The following OTOG variants were observed in gnomAD, a reference collection of about 807,000 sequenced individuals.
The protein encoded by OTOG is otogelin.
OTOG carries 296 observed loss-of-function variants against 313.8 expected under a neutral mutation model. The observed-to-expected ratio is 0.94, with a 90% CI of 0.86 to 1.04. OTOG has a LOEUF of 1.04. Among genes scored for constraint, OTOG ranks in the 50% least tolerant of loss-of-function variants. OTOG has a pLI of 0.00. For missense variants in OTOG, 3,948 were observed against 3,840.1 expected (o/e 1.03, Z -0.74); for synonymous variants, 1,533 against 1,554.9 (o/e 0.99, Z 0.33).
At chr11:17,565,997 G>C (rs1175208423) in intron 15 of OTOG, among the ~76,000 whole-genome samples, 1 of 152,174 alleles carries the variant, frequency 6.6e-6, no homozygotes, top group Admixed American at 6.5e-5. Context: ...TTAGAATCAA[G>C]ATCAGGGGAT....
intron 23 of OTOG, 60 bp from the exon 24 acceptor site, chr11:17,586,414 C>G: frequency 9.2e-7 from 1 of 1,082,472 alleles, no homozygotes; most frequent in Non-Finnish European, 1.2e-6. Flanking sequence ...CAGGGTCCTC[C>G]ACAGATGGCA....
chr11:17,610,711 C>G lies in OTOG; in HGVS notation c.5411C>G (p.Pro1804Arg). 6.5e-7 allele frequency: 1 copy of G among 1,550,302 alleles called. No homozygotes were observed. The highest frequency in any genetic ancestry group is 1.7e-4 in the Middle Eastern group (1 of 5,992). Residue 1804 changes from proline (P) to arginine (R), a missense_variant, in exon 36 of 56, where the codon CCC becomes CGC. By Grantham distance (103) the Pro-to-Arg change is moderately radical. Coordinates refer to ENST00000399397, the MANE Select transcript of OTOG (RefSeq NM_001292063.2). Reference protein sequence around the residue: ...RPSQLLSGLPPDTSLPLAKVG... With the variant: ...RPSQLLSGLPRDTSLPLAKVG... ...TCCCAGCTCCTCTCTGGCCTGCCTC[C>G]CGACACCAGCCTGCCCCTGGCCAAG... is the stretch of plus-strand genomic sequence containing the variant.
At position 17,553,162 on chromosome 11, in the gene OTOG, C is replaced by T; in HGVS notation, c.336C>T (p.Ala112=). The T allele has an allele frequency of 6.4e-7, 1 of 1,550,560 alleles. No individual in the cohort carries two copies. Among genetic ancestry groups the T allele is most frequent in the Non-Finnish European group, 8.7e-7 (1 of 1,146,980 alleles). The change falls in exon 5 of 56, where the codon GCC becomes GCT. Residue 112 remains alanine (A), a synonymous_variant. Coordinates refer to ENST00000399397, the MANE Select transcript of OTOG (RefSeq NM_001292063.2). ...CFNGGECVHP[A]FCDCRRFNAT... is the part of the protein sequence containing the mutation. ...ATGGAGGCGAGTGTGTGCACCCAGC[C>T]TTCTGTGACTGCAGACGCTTCAATG... is the stretch of plus-strand genomic sequence containing the variant.
rs1159778173 is a variant in OTOG at position 17,561,647 on chromosome 11, TTTTC to T, written c.1499-13_1499-10del. On this transcript the variant is annotated splice_polypyrimidine_tract_variant and intron_variant, in intron 14 of 55. Transcript: ENST00000399397. ...GGCGGCTCCCATGGGTCAGTGGCCT[TTTTC>T]TACCTCTCAGCTGAGTGCTCAGTGA... 3 of 1,550,400 alleles carry T rather than the reference TTTTC, an allele frequency of 1.9e-6. No individual in the cohort carries two copies. The highest frequency in any genetic ancestry group is 2.6e-6 in the Non-Finnish European group (3 of 1,146,968).
Position 17,570,309 on chromosome 11 carries a change from A to T in OTOG, c.1874A>T (p.Tyr625Phe). The T allele has an allele frequency of 6.4e-7, 1 of 1,550,720 alleles. No individual in the cohort carries two copies. Among genetic ancestry groups the T allele is most frequent in the Non-Finnish European group, 8.7e-7 (1 of 1,147,028 alleles). Reference sequence around the variant, plus strand: ...TACGACCGTGAAGGGCTCCGACTGTACCTGCAAGTGGACCAGCGATGGGTG... The same window carrying T: ...TACGACCGTGAAGGGCTCCGACTGTTCCTGCAAGTGGACCAGCGATGGGTG... Reference protein sequence around the residue: ...VLYDREGLRLYLQVDQRWVED... With the variant: ...VLYDREGLRLFLQVDQRWVED... Residue 625 changes from tyrosine to phenylalanine, a missense_variant, in exon 17 of 56, where the codon TAC becomes TTC. Transcript: ENST00000399397.
chr11:17,590,884 A>G (rs1852915334), intron 24 of OTOG, among the ~76,000 whole-genome samples: 2 of 152,140 alleles, frequency 1.3e-5, no homozygotes, highest in African/African-American at 4.8e-5. Context: ...CTACTCACAC[A>G]TGCCCCAACC....
At position 17,610,470 on chromosome 11, in the gene OTOG, G is replaced by A; in HGVS notation, c.5170G>A (p.Glu1724Lys). Residue 1724 changes from glutamate (E) to lysine (K), a missense_variant, in exon 36 of 56, where the codon GAG (glutamate) becomes AAG (lysine). Physicochemically the swap from Glu to Lys is moderately conservative, Grantham distance 56. Transcript: ENST00000399397. ...TRSLEIVLST[E>K]KGEAGHSQPM... Reference sequence around the variant, plus strand: ...GAGCTTGGAGATAGTGCTATCCACAGAGAAGGGCGAAGCCGGGCACAGCCA... The same window carrying A: ...GAGCTTGGAGATAGTGCTATCCACAAAGAAGGGCGAAGCCGGGCACAGCCA... 6.4e-7 allele frequency: 1 copy of A among 1,550,598 alleles called. No individual in the cohort carries two copies. Among genetic ancestry groups the A allele is most frequent in the Non-Finnish European group, 8.7e-7 (1 of 1,146,982 alleles).
chr11:17,558,874 A>G (rs1344482573), intron 10 of OTOG, among the ~76,000 whole-genome samples, 178 bp from the exon 11 acceptor site: 1 of 152,220 alleles, frequency 6.6e-6, no homozygotes, highest in East Asian at 1.9e-4. Context: ...TGGGACTAGA[A>G]TCCAGGATTT....
intron 40 of OTOG, 127 bp from the exon 41 acceptor site, chr11:17,631,575 C>T (rs1034364718): frequency 3.9e-6 from 3 of 769,122 alleles, no homozygotes; most frequent in Non-Finnish European, 6.3e-6. Flanking sequence ...TAATTTCCCT[C>T]ACCTATAAAA....
chr11:17,623,186 G>A (rs1414153401), intron 39 of OTOG, among the ~76,000 whole-genome samples: 2 of 151,988 alleles, frequency 1.3e-5, no homozygotes, highest in Non-Finnish European at 2.9e-5. Flanking sequence ...ACATGTGCAG[G>A]TTTCTTATAT....
chr11:17,571,222 G>C (rs997254305), intron 17 of OTOG, among the ~76,000 whole-genome samples: 2 of 152,242 alleles, frequency 1.3e-5, no homozygotes, highest in African/African-American at 4.8e-5. Context: ...GCCTAGTAGG[G>C]CAGATGTTAG....
rs1348989603 is a variant in OTOG at position 17,561,705 on chromosome 11, T to C, written c.1542T>C (p.Asp514=). 23 of 1,550,416 alleles carry C rather than the reference T, an allele frequency of 1.5e-5. No homozygotes were observed. The highest frequency in any genetic ancestry group is 1.8e-5 in the Non-Finnish European group (21 of 1,146,982). The change falls in exon 15 of 56, where the codon GAT becomes GAC. Residue 514 remains aspartate, a synonymous_variant. Transcript: ENST00000399397. Reference sequence around the variant, plus strand: ...GTGACATTCACTTCACAACCTTTGATGGCCGCCGGTACACGTTCCCCGCCA... The same window carrying C: ...GTGACATTCACTTCACAACCTTTGACGGCCGCCGGTACACGTTCCCCGCCA... The part of the protein sequence containing the change: ...VTGDIHFTTF[D]GRRYTFPATC...
intron 23 of OTOG, among the ~76,000 whole-genome samples, chr11:17,579,188 A>G (rs2134037623): frequency 6.6e-6 from 1 of 152,268 alleles, no homozygotes; most frequent in Non-Finnish European, 1.5e-5. Flanking sequence ...ATGGCTTGGC[A>G]ACAGCCGGCT....
Position 17,612,611 on chromosome 11 carries a change from C to T in OTOG, c.6293-9C>T. 2 of 1,548,854 alleles carry T rather than the reference C, an allele frequency of 1.3e-6. No individual in the cohort carries two copies. The highest frequency in any genetic ancestry group is 1.2e-5 in the South Asian group (1 of 83,792). ...CACCTATTCTTCTTGTGCCCTGCCCCTCCCCCAGGCCGGTGCTCAATCTTC... is the reference window on the plus strand; with the variant it reads ...CACCTATTCTTCTTGTGCCCTGCCCTTCCCCCAGGCCGGTGCTCAATCTTC... On this transcript the variant is annotated splice_polypyrimidine_tract_variant and intron_variant, in intron 37 of 55. Transcript: ENST00000399397.
Position 17,634,895 on chromosome 11 carries a change from A to G in OTOG, c.7532A>G (p.His2511Arg), listed in dbSNP as rs1358353527. 29 of 1,344,976 alleles carry G rather than the reference A, an allele frequency of 2.2e-5. No individual in the cohort carries two copies. The highest frequency in any genetic ancestry group is 2.6e-5 in the Non-Finnish European group (27 of 1,019,496). The allele number at this position is 1,344,976 out of a possible 1,614,324, so 83.3% of individuals were successfully genotyped here. Residue 2511 changes from histidine (H) to arginine (R), a missense_variant, in exon 45 of 56, where the codon CAC (histidine) becomes CGC (arginine). Transcript: ENST00000399397. ...EGLAPTCRPG[H>R]RLLTHFQEDS... ...CTCGCCCCCACATGCCGCCCAGGCC[A>G]CCGCCTCCTCACCCACTTCCAGGAG...
At position 17,645,655 on chromosome 11, in the gene OTOG, C is replaced by A. The variant is rs1848060652; in HGVS notation, c.8541+12C>A. 1 of 1,550,548 alleles carries A rather than the reference C, an allele frequency of 6.4e-7. No homozygotes were observed. The highest frequency in any genetic ancestry group is 2.0e-5 in the Admixed American group (1 of 50,992). On this transcript the variant is annotated intron_variant, in intron 55 of 55. Transcript: ENST00000399397. ...GGAGCAGCACCCCTGTGCGTGGTGCCCACAAGGCAGTGGGGCAGCAAAAAA... is the reference window on the plus strand; with the variant it reads ...GGAGCAGCACCCCTGTGCGTGGTGCACACAAGGCAGTGGGGCAGCAAAAAA...
chr11:17,550,454 G>A (rs548384067), intron 3 of OTOG, among the ~76,000 whole-genome samples: 1 of 152,192 alleles, frequency 6.6e-6, no homozygotes, highest in Non-Finnish European at 1.5e-5. Context: ...TATCTAAGGG[G>A]TTCGTGGCAT....
chr11:17,613,803 G>A, intron 39 of OTOG, 102 bp downstream of exon 39: 3 of 974,376 alleles, frequency 3.1e-6, no homozygotes, highest in South Asian at 1.4e-5. Context: ...ATGATTCAGG[G>A]CAGGGGTGGG....
intron 32 of OTOG, 150 bp from the exon 33 acceptor site, chr11:17,605,707 G>T (rs2134081428): frequency 4.8e-6 from 4 of 830,882 alleles, no homozygotes; most frequent in African/African-American, 1.7e-5. Context: ...GAGTAGGTGG[G>T]CTGGGGGCTG....
Sources: allele counts gnomAD v4.1 joint callset (sites outside exome capture counted in the v4.1 genomes callset), GRCh38; gene constraint gnomAD v4.1.1; transcripts MANE v1.5; gene names NCBI Gene and HGNC (gene_info 2026-07-23, HGNC 2026-07-21).